Variants in MCF2L observed in about 807,000 individuals in gnomAD.
MCF2L encodes the protein MCF.2 cell line derived transforming sequence like, also known as guanine nucleotide exchange factor DBS.
Under a neutral mutation model 153.4 loss-of-function variants are expected in MCF2L, and 97 were observed. The observed-to-expected ratio is 0.63, with a 90% CI of 0.54 to 0.75. The LOEUF is 0.75. MCF2L is among the 30% of genes least tolerant of loss of function. The pLI is 0.00. For synonymous variants in MCF2L, 659 were observed against 632.2 expected (o/e 1.04, Z -0.64); for missense variants, 1,347 against 1,495.2 (o/e 0.90, Z 1.64).
rs1378701588 is a variant in MCF2L, at chr13:113,031,144, CAG to C, written c.278+6394_278+6395del. On this transcript the variant is annotated intron_variant, in intron 3 of 29. Coordinates refer to ENST00000535094, the MANE Select transcript of MCF2L (RefSeq NM_001112732.3). This position sits in a 1 kb window ranked among gnomAD's most constrained non-coding sequence, Gnocchi z 5.5. ...AGAGTGACAGAGAGACAGACAGAGA[CAG>C]AGAGAGACAGAGAGAAGAGACAGAG... 3.8e-3 allele frequency among the ~76,000 whole-genome samples: 559 copies of C among 146,676 alleles called. 2 individuals carry two copies. The highest frequency in any genetic ancestry group is 0.013 in the African/African-American group (523 of 39,136).
Position 113,024,705 on chromosome 13 carries a change from G to T in MCF2L, c.225G>T (p.Glu75Asp), listed in dbSNP as rs35348545. The change falls in exon 3 of 30, where the codon GAG becomes GAT. Residue 75 changes from glutamate to aspartate, a missense_variant. Glu to Asp is a conservative substitution (Grantham distance 45, BLOSUM62 2). Transcript: ENST00000535094. ...TCCCTGACTACCCGGCCTTCAGCGAGATTCCGGACAAGGAGTTCCAGAATG... is the reference window on the plus strand; with the variant it reads ...TCCCTGACTACCCGGCCTTCAGCGATATTCCGGACAAGGAGTTCCAGAATG... ...ITFPDYPAFSEIPDKEFQNVM... is the reference protein window; with the variant it reads ...ITFPDYPAFSDIPDKEFQNVM... The T allele has an allele frequency of 5.0e-6, 8 of 1,614,216 alleles. No homozygotes were observed. Among genetic ancestry groups the T allele is most frequent in the Non-Finnish European group, 6.8e-6 (8 of 1,180,044 alleles).
chr13:112,994,562 C>T (rs1235464522), intron 1 of MCF2L, among the ~76,000 whole-genome samples: 2 of 152,246 alleles, frequency 1.3e-5, no homozygotes, highest in African/African-American at 4.8e-5. Flanking sequence ...CTTTGGTGAG[C>T]TGTCTCGTTT....
At chr13:113,087,591 T>G in intron 22 of MCF2L, 116 bp from the exon 23 acceptor site, 1 of 1,131,680 alleles carries the variant, frequency 8.8e-7, no homozygotes, top group Non-Finnish European at 1.3e-6. Context: ...ATTCTGCCAT[T>G]CTTAGCCCTC....
intron 2 of MCF2L, among the ~76,000 whole-genome samples, chr13:113,023,486 G>A (rs2085033520): frequency 1.3e-5 from 2 of 152,146 alleles, no homozygotes; most frequent in Admixed American, 1.3e-4. Flanking sequence ...CAGTGGCTGT[G>A]GGGGGCGCAA....
At chr13:113,067,000 G>T (rs2032478136) in intron 8 of MCF2L, among the ~76,000 whole-genome samples, 1 of 152,240 alleles carries the variant, frequency 6.6e-6, no homozygotes, top group Admixed American at 6.5e-5. Context: ...TCCTTGAGGG[G>T]CTCCTCGTAG....
chr13:113,066,259 C>T, intron 8 of MCF2L, 89 bp downstream of exon 8: 2 of 1,439,862 alleles, frequency 1.4e-6, no homozygotes, highest in Non-Finnish European at 1.8e-6. Flanking sequence ...AGAAACAGGC[C>T]ACGGAAATAG....
At chr13:112,975,335 G>A (rs2082177626) in intron 1 of MCF2L, among the ~76,000 whole-genome samples, 2 of 152,222 alleles carry the variant, frequency 1.3e-5, no homozygotes, top group Non-Finnish European at 2.9e-5. Context: ...CCTATGAAGG[G>A]TTGCATTGAC....
intron 2 of MCF2L, among the ~76,000 whole-genome samples, chr13:113,017,802 C>G (rs367797954): frequency 6.6e-6 from 1 of 152,200 alleles, no homozygotes; most frequent in Non-Finnish European, 1.5e-5. Context: ...GCCCACAGGT[C>G]GACACCCCAG....
At chr13:113,015,966 C>A (rs1199881452) in intron 2 of MCF2L, among the ~76,000 whole-genome samples, 1 of 152,172 alleles carries the variant, frequency 6.6e-6, no homozygotes, top group Non-Finnish European at 1.5e-5. Flanking sequence ...CCTTTCACAA[C>A]CCCAAAGAGG....
rs565254361 is a variant in MCF2L at position 113,088,286 on chromosome 13, G to A, written c.2689-41G>A. ...GAAACCAAAGCGTGTTTCCTCGGGG[G>A]CCTGAGTACTCACCTCCTGGCGTTT... On this transcript the variant is annotated intron_variant, in intron 23 of 29. Transcript: ENST00000535094. 59 of 1,510,350 alleles carry A rather than the reference G, an allele frequency of 3.9e-5. No individual in the cohort carries two copies. The South Asian group carries it at 5.7e-4, about 15-fold the overall frequency. 93.6% of individuals were successfully genotyped at this position (1,510,350 alleles called of 1,614,324 possible).
At chr13:112,972,619 TG>T (rs1261661826) in intron 1 of MCF2L, among the ~76,000 whole-genome samples, 2 of 147,210 alleles carry the variant, frequency 1.4e-5, no homozygotes, top group Non-Finnish European at 3.0e-5. Context: ...GATGAGTGGA[TG>T]GATGGATGGA....
chr13:113,042,007 T>A (rs947465882), intron 3 of MCF2L, among the ~76,000 whole-genome samples: 4 of 152,160 alleles, frequency 2.6e-5, no homozygotes, highest in African/African-American at 9.7e-5. Flanking sequence ...CACGGGATGG[T>A]CGCTGGAGCT....
In MCF2L at chr13:113,031,921, C is replaced by T. The variant is rs2085750360; in HGVS notation, c.278+7163C>T. Among the ~76,000 whole-genome samples, 1 of 152,076 alleles carries T rather than the reference C, an allele frequency of 6.6e-6. No homozygotes were observed. The highest frequency in any genetic ancestry group is 2.4e-5 in the African/African-American group (1 of 41,388). ...ACGCAGACACGCAGGCACTCATGCA[C>T]TTACATACACAGATGTGCATGTGTA... is the stretch of plus-strand genomic sequence containing the variant. On this transcript the variant is annotated intron_variant, in intron 3 of 29. Transcript: ENST00000535094. This position sits in a 1 kb window ranked among gnomAD's most constrained non-coding sequence, Gnocchi z 5.5.
At chr13:112,902,811 C>T (rs1182051319) in intron 2 of MCF2L, among the ~76,000 whole-genome samples, 1 of 152,236 alleles carries the variant, frequency 6.6e-6, no homozygotes, top group Non-Finnish European at 1.5e-5. Flanking sequence ...CAGCTGGTCT[C>T]CAGACCAGTG....
chr13:113,091,880 G>A (rs191946664), intron 26 of MCF2L, among the ~76,000 whole-genome samples: 5 of 152,344 alleles, frequency 3.3e-5, no homozygotes, highest in Admixed American at 3.3e-4. Context: ...TCCCAGGGGT[G>A]TAAGCAGAAC....
At chr13:112,963,327 C>G (rs4907569) in intron 2 of MCF2L, among the ~76,000 whole-genome samples, 143,674 of 152,276 alleles carry the variant, frequency 0.94, 68,010 homozygotes, top group Non-Finnish European at 0.98. Context: ...CAGGGTCTGA[C>G]CGTGCTCCTT....
rs1343617703 is a variant in MCF2L at position 113,064,638 on chromosome 13, C to G, written c.606+218C>G. 1 of 399,372 alleles carries G rather than the reference C, an allele frequency of 2.5e-6. No homozygotes were observed. Among genetic ancestry groups the G allele is most frequent in the East Asian group, 4.1e-5 (1 of 24,636 alleles). The allele number at this position is 399,372 out of a possible 1,614,324, so 24.7% of individuals were successfully genotyped here. A position where few individuals can be genotyped will look rare whatever the true frequency, so the allele number is the denominator to read the frequency against. On this transcript the variant is annotated intron_variant, in intron 6 of 29. Transcript: ENST00000535094. The surrounding 1 kb of genome is among the most constrained non-coding windows in gnomAD (Gnocchi z 6.0). ...AGTGGCTTTCTCTGGGCTTGGAGAC[C>G]AAAAAAAAAAAAAAAACCCTTGCGT...
chr13:113,001,725 A>G, intron 1 of MCF2L: 1 of 1,360,246 alleles, frequency 7.4e-7, no homozygotes, highest in South Asian at 1.9e-5. Flanking sequence ...GGGACATCGA[A>G]TCGGAGGCCC....
At chr13:112,922,284 C>T (rs1419236636) in intron 2 of MCF2L, among the ~76,000 whole-genome samples, 3 of 152,166 alleles carry the variant, frequency 2.0e-5, no homozygotes, top group East Asian at 1.9e-4. Flanking sequence ...AGCTCTTCCC[C>T]GAAAGAGCAA....
Sources: allele counts gnomAD v4.1 joint callset (sites outside exome capture counted in the v4.1 genomes callset), GRCh38; gene constraint gnomAD v4.1.1; non-coding constraint Gnocchi (gnomAD v3.1); transcripts MANE v1.5; gene names NCBI Gene and HGNC (gene_info 2026-07-23, HGNC 2026-07-21).